Variants in CORO2B observed in about 807,000 individuals in gnomAD.
CORO2B encodes coronin 2B, also known as coronin-2B.
A neutral mutation model predicts 58.8 loss-of-function variants in CORO2B; 26 were observed. The observed-to-expected ratio is 0.44, with a 90% CI of 0.32 to 0.61. The LOEUF is 0.61. Ranked by LOEUF, CORO2B falls within the 20% of genes least tolerant of loss-of-function variation. The probability of loss-of-function intolerance (pLI) is 0.04; values close to 1 mark genes in which losing one functional copy is unlikely to be tolerated. For synonymous variants in CORO2B, 242 were observed against 253.8 expected, an observed-to-expected ratio of 0.95 and a Z score of 0.44; for missense variants, 460 against 645.1, an observed-to-expected ratio of 0.71 and a Z score of 3.11.
intron 1 of CORO2B, among the ~76,000 whole-genome samples, chr15:68,629,846 G>C (rs1439825541): frequency 1.3e-5 from 2 of 152,186 alleles, no homozygotes; most frequent in Non-Finnish European, 2.9e-5. Flanking sequence ...GTGTCTGTGT[G>C]TGTGTGTTGT....
intron 1 of CORO2B, among the ~76,000 whole-genome samples, chr15:68,644,008 G>A (rs563658989): frequency 1.3e-5 from 2 of 152,128 alleles, no homozygotes; most frequent in African/African-American, 4.8e-5. Context: ...TTGCACTCCA[G>A]CCTGGGTGAC....
intron 1 of CORO2B, among the ~76,000 whole-genome samples, chr15:68,635,566 C>T (rs979175010): frequency 6.6e-6 from 1 of 152,194 alleles, no homozygotes; most frequent in African/African-American, 2.4e-5. Context: ...AGAGACAAGT[C>T]ACTCCTCCTC....
chr15:68,721,682 A>T (rs1442947968), intron 11 of CORO2B, among the ~76,000 whole-genome samples: 3 of 152,184 alleles, frequency 2.0e-5, no homozygotes, highest in Admixed American at 2.0e-4. Context: ...TCATGGTGCT[A>T]TACTTTCTAT....
intron 3 of CORO2B, among the ~76,000 whole-genome samples, chr15:68,696,004 A>G (rs1892500604): frequency 6.6e-6 from 1 of 152,076 alleles, no homozygotes; most frequent in Admixed American, 6.6e-5. Flanking sequence ...TGGGAGGCCA[A>G]GGCAGGAGGA....
intron 1 of CORO2B, among the ~76,000 whole-genome samples, chr15:68,634,169 G>A (rs779100492): frequency 1.7e-4 from 26 of 152,342 alleles, no homozygotes; most frequent in Non-Finnish European, 2.8e-4. Context: ...ACCTGCTGTG[G>A]ACAGAGAATA....
chr15:68,568,165 G>C, the CORO2B span, among the ~76,000 whole-genome samples: 1 of 152,194 alleles, frequency 6.6e-6, no homozygotes, highest in South Asian at 2.1e-4. Flanking sequence ...TGGAGGTTGA[G>C]TACAGGCCAC....
intron 2 of CORO2B, among the ~76,000 whole-genome samples, chr15:68,681,625 C>T (rs1902789794): frequency 6.6e-6 from 1 of 151,976 alleles, no homozygotes. Context: ...TTGAGCAAAC[C>T]AAAGAATAAG....
At chr15:68,551,046 G>A in the CORO2B span, among the ~76,000 whole-genome samples, 1 of 152,126 alleles carries the variant, frequency 6.6e-6, no homozygotes, top group African/African-American at 2.4e-5. Context: ...TGTGTGTCTT[G>A]GTGGAGAGGA....
At chr15:68,556,346 G>A in the CORO2B span, among the ~76,000 whole-genome samples, 19 of 152,264 alleles carry the variant, frequency 1.2e-4, no homozygotes, top group Admixed American at 7.8e-4. Context: ...GCTGGGTGGC[G>A]TCATTGCTGG....
chr15:68,606,203 C>T (rs1900120175), intron 1 of CORO2B, among the ~76,000 whole-genome samples: 1 of 152,066 alleles, frequency 6.6e-6, no homozygotes, highest in South Asian at 2.1e-4. Flanking sequence ...GAGGCCTAGA[C>T]CAGGAGTGGG....
At chr15:68,599,351 C>A (rs538247112) in intron 1 of CORO2B, among the ~76,000 whole-genome samples, 1 of 152,200 alleles carries the variant, frequency 6.6e-6, no homozygotes, top group African/African-American at 2.4e-5. Flanking sequence ...GAGCGTGTCG[C>A]GCCACAGATC....
rs1440924039 is a variant in CORO2B at position 68,614,404 on chromosome 15, C to T, written c.16-30756C>T. 3.9e-5 allele frequency among the ~76,000 whole-genome samples: 6 copies of T among 152,138 alleles called. No homozygotes were observed. In the South Asian group the frequency reaches 8.3e-4, roughly 21 times the overall value. On this transcript the variant is annotated intron_variant, in intron 1 of 11. Coordinates refer to ENST00000261861, the MANE Select transcript of CORO2B (RefSeq NM_006091.5). Reference sequence around the variant, plus strand: ...TGATTCATAATGTCCCTCTCTTATTCTTCTTTATTGTTTTCCCTCTAATGC... The same window carrying T: ...TGATTCATAATGTCCCTCTCTTATTTTTCTTTATTGTTTTCCCTCTAATGC...
chr15:68,567,190 T>C, the CORO2B span, among the ~76,000 whole-genome samples: 4 of 152,224 alleles, frequency 2.6e-5, no homozygotes, highest in East Asian at 7.7e-4. Flanking sequence ...CGGCTCTCAG[T>C]GGGCTCTTTG....
chr15:68,695,368 C>T (rs772275130), intron 3 of CORO2B, 112 bp downstream of exon 3: 232 of 766,922 alleles, frequency 3.0e-4, no homozygotes, highest in Non-Finnish European at 4.7e-4. Flanking sequence ...CTTCCCTCCT[C>T]TTTGTCATCT....
chr15:68,702,871 G>A (rs2140319984), intron 3 of CORO2B, among the ~76,000 whole-genome samples: 1 of 129,144 alleles, frequency 7.7e-6, no homozygotes, highest in East Asian at 2.2e-4. Flanking sequence ...TTGGCACCCA[G>A]GCTGGAGTGC....
At chr15:68,699,004 G>A (rs1892579368) in intron 3 of CORO2B, among the ~76,000 whole-genome samples, 1 of 152,210 alleles carries the variant, frequency 6.6e-6, no homozygotes, top group East Asian at 1.9e-4. Flanking sequence ...GAGGTAGTTA[G>A]CTGGACTTTG....
At chr15:68,614,348 G>A (rs1411497240) in intron 1 of CORO2B, among the ~76,000 whole-genome samples, 1 of 152,170 alleles carries the variant, frequency 6.6e-6, no homozygotes, top group Non-Finnish European at 1.5e-5. Context: ...ATAAAATTGT[G>A]CATCGCTTCT....
chr15:68,595,265 C>T (rs1899797335), intron 1 of CORO2B, among the ~76,000 whole-genome samples: 1 of 152,228 alleles, frequency 6.6e-6, no homozygotes, highest in African/African-American at 2.4e-5. Flanking sequence ...CCCCCTCCCT[C>T]TTTCCTCCTC....
upstream of CORO2B, among the ~76,000 whole-genome samples, chr15:68,577,808 C>G (rs554688315): frequency 6.6e-6 from 1 of 151,926 alleles, no homozygotes; most frequent in Non-Finnish European, 1.5e-5. Context: ...TTGCTCCAAT[C>G]TAGACACTGG....
Sources: gnomAD v4.1 joint callset for allele counts (sites outside exome capture counted in the v4.1 genomes callset) on GRCh38, gnomAD v4.1.1 for gene constraint, MANE v1.5 for transcripts, NCBI Gene and HGNC (gene_info 2026-07-23, HGNC 2026-07-21) for gene names.